The following TEX14 variants were observed in gnomAD, a reference collection of about 807,000 sequenced individuals.
The protein encoded by TEX14 is testis expressed 14, intercellular bridge forming factor.
Under a neutral mutation model 178.6 loss-of-function variants are expected in TEX14, and 168 were observed. That is an observed-to-expected ratio of 0.94 (90% CI 0.83 to 1.07). The LOEUF (loss-of-function observed/expected upper bound fraction) is 1.07. Among genes scored for constraint, TEX14 ranks in the 50% least tolerant of loss-of-function variants. The pLI, the probability that TEX14 is intolerant of heterozygous loss-of-function variation, is 0.00. For missense variants in TEX14, 1,730 were observed against 1,753.6 expected, an observed-to-expected ratio of 0.99 and a Z score of 0.24; for synonymous variants, 626 against 634.1, an observed-to-expected ratio of 0.99 and a Z score of 0.19.
chr17:58,611,011 A>G lies in TEX14; in HGVS notation c.1184+150T>C, dbSNP rs1044026371. 28 of 589,466 alleles carry G rather than the reference A, an allele frequency of 4.8e-5. 1 individual carries two copies. The highest frequency in any genetic ancestry group is 6.6e-5 in the Non-Finnish European group (22 of 330,846). The allele number at this position is 589,466 out of a possible 1,614,324, so 36.5% of individuals were successfully genotyped here. On this transcript the variant is annotated intron_variant, in intron 10 of 31. Transcript: ENST00000349033. Reference sequence around the variant, plus strand: ...CCAAATTCCTCTAGCCTTGGCAGACAGGGTAAGGCATTTGGGACAGGTTCA... The same window carrying G: ...CCAAATTCCTCTAGCCTTGGCAGACGGGGTAAGGCATTTGGGACAGGTTCA...
intron 3 of TEX14, among the ~76,000 whole-genome samples, chr17:58,623,529 T>C (rs1226966102): frequency 6.6e-6 from 1 of 151,944 alleles, no homozygotes; most frequent in African/African-American, 2.4e-5. Context: ...CAGTCAAGGA[T>C]CTACACCTCA....
intron 10 of TEX14, among the ~76,000 whole-genome samples, chr17:58,605,623 G>A (rs1164934632): frequency 1.3e-5 from 2 of 152,112 alleles, no homozygotes; most frequent in East Asian, 3.8e-4. Context: ...AAGTCACAGG[G>A]ACCTTCTTTC....
rs1355442959 is a variant in TEX14, at chr17:58,611,317, T to C, written c.1028A>G (p.His343Arg). ...CAGCAGGTGCACAATCACCTCCATGTGCAGCACTGGGAACTGGGACCGCTG... is the reference window on the plus strand; with the variant it reads ...CAGCAGGTGCACAATCACCTCCATGCGCAGCACTGGGAACTGGGACCGCTG... ...HERRSQFPVL[H>R]MEVIVHLLLQ... Residue 343 changes from histidine to arginine, a missense_variant, in exon 10 of 32, where the codon CAC (histidine) becomes CGC (arginine). By Grantham distance (29) the His-to-Arg change is conservative. Transcript: ENST00000349033. 1 of 1,613,210 alleles carries C rather than the reference T, an allele frequency of 6.2e-7. No individual in the cohort carries two copies. The highest frequency in any genetic ancestry group is 8.5e-7 in the Non-Finnish European group (1 of 1,179,750).
intron 2 of TEX14, among the ~76,000 whole-genome samples, chr17:58,638,664 G>A (rs2567896): frequency 0.23 from 34,707 of 151,470 alleles, 5,118 homozygotes; most frequent in Middle Eastern, 0.41. Flanking sequence ...TCAACCTCCC[G>A]AGTGGCTGGG....
intron 2 of TEX14, among the ~76,000 whole-genome samples, chr17:58,640,619 G>GTGTGTA (rs1455126686): frequency 1.1e-4 from 14 of 124,320 alleles, no homozygotes; most frequent in African/African-American, 4.6e-4. Context: ...TCTAGTGTGT[G>GTGTGTA]TGTGTGTGTG....
intron 14 of TEX14, among the ~76,000 whole-genome samples, chr17:58,595,740 C>T (rs1206189040): frequency 6.6e-6 from 1 of 152,186 alleles, no homozygotes; most frequent in Non-Finnish European, 1.5e-5. Context: ...AGCCAATGGC[C>T]ATGTGGAACA....
In TEX14 at chr17:58,665,528, G is replaced by A. The variant is rs147970761; in HGVS notation, c.-1-13526C>T. On this transcript the variant is annotated intron_variant, in intron 1 of 31. Coordinates refer to ENST00000349033, the MANE Select transcript of TEX14 (RefSeq NM_031272.5). ...TGAGAATTGCTTGAACCTGGGAGGC[G>A]GAGGTTGCAGTGAGCCGAGATCGCG... Among the ~76,000 whole-genome samples, 868 of 151,982 alleles carry A rather than the reference G, an allele frequency of 5.7e-3. 5 individuals are homozygous for A. The highest frequency in any genetic ancestry group is 9.2e-3 in the African/African-American group (380 of 41,494).
rs2144469338 is a variant in TEX14 at position 58,599,163 on chromosome 17, T to C, written c.2182A>G (p.Ser728Gly). ...ATCTTTAGATCCAGCACACACTTAC[T>C]GATGAGATACTCCTCAGTCGTGGAC... ...NMSTTEEYLI[S>G]KCVLDLKIMQ... Residue 728 changes from serine (S) to glycine (G), a missense_variant, in exon 14 of 32, where the codon AGT becomes GGT. By Grantham distance (56) the Ser-to-Gly change is moderately conservative. Coordinates refer to ENST00000349033, the MANE Select transcript of TEX14 (RefSeq NM_031272.5). The C allele has an allele frequency of 1.9e-6, 3 of 1,614,216 alleles. No homozygotes were observed. In the East Asian group the frequency reaches 6.7e-5, roughly 36 times the overall value.
chr17:58,565,877 C>T, intron 26 of TEX14, 53 bp from the exon 27 acceptor site: 1 of 1,434,154 alleles, frequency 7.0e-7, no homozygotes, highest in Admixed American at 1.9e-5. Flanking sequence ...GCGTGTCCTG[C>T]CGTTCTCTAG....
intron 11 of TEX14, 98 bp downstream of exon 11, chr17:58,604,880 A>C (rs2045567789): frequency 7.3e-7 from 1 of 1,363,220 alleles, no homozygotes; most frequent in East Asian, 2.3e-5. Flanking sequence ...CTTTTTAATA[A>C]GTCTTCTATT....
Position 58,567,545 on chromosome 17 carries a change from T to C in TEX14, c.3886+1647A>G, listed in dbSNP as rs73327342. On this transcript the variant is annotated intron_variant, in intron 26 of 31. Coordinates refer to ENST00000349033, the MANE Select transcript of TEX14 (RefSeq NM_031272.5). ...TAAAGAACCTTCCACTTTAGGCACC[T>C]GTCAGGAGCCTAGAGCTTTGGATGT... 9.2e-3 allele frequency among the ~76,000 whole-genome samples: 1,401 copies of C among 152,326 alleles called. 24 individuals are homozygous for C. Among genetic ancestry groups the C allele is most frequent in the African/African-American group, 0.031 (1,295 of 41,578 alleles).
intron 1 of TEX14, among the ~76,000 whole-genome samples, chr17:58,690,595 A>G (rs2047682761): frequency 6.6e-6 from 1 of 152,206 alleles, no homozygotes; most frequent in Non-Finnish European, 1.5e-5. Flanking sequence ...TCACCCAAGA[A>G]TCTGGGTGCT....
At chr17:58,589,955 T>C (rs1311631039) in intron 15 of TEX14, among the ~76,000 whole-genome samples, 8 of 151,960 alleles carry the variant, frequency 5.3e-5, no homozygotes, top group Non-Finnish European at 1.2e-4. Context: ...CCCTCACACA[T>C]TGGCCCCATA....
At chr17:58,634,638 C>A (rs2046393602) in intron 2 of TEX14, among the ~76,000 whole-genome samples, 1 of 152,060 alleles carries the variant, frequency 6.6e-6, no homozygotes, top group South Asian at 2.1e-4. Flanking sequence ...CACAAGCCAG[C>A]CTAAGAGTAG....
chr17:58,573,292 G>A lies in TEX14; in HGVS notation c.3400C>T (p.Gln1134Ter), dbSNP rs2044586286. ...KEKDISLTDI[Q>*]DLSSISYEPD... The stretch of plus-strand genomic sequence containing the variant: ...TCATAGGAGATACTAGACAGGTCTT[G>A]AATATCCGTCAATGATCTAAAGAAT... Residue 1134 changes from glutamine (Q) to a stop codon, truncating the protein, a stop_gained, in exon 23 of 32, where the codon CAA (glutamine) becomes TAA (stop). Coordinates refer to ENST00000349033, the MANE Select transcript of TEX14 (RefSeq NM_031272.5). LOFTEE classifies it high-confidence loss of function. The A allele has an allele frequency of 3.7e-6, 6 of 1,613,554 alleles. No individual in the cohort carries two copies. Among genetic ancestry groups the A allele is most frequent in the Non-Finnish European group, 5.1e-6 (6 of 1,179,562 alleles).
At chr17:58,661,522 G>T (rs755390573) in intron 1 of TEX14, 1 of 778,538 alleles carries the variant, frequency 1.3e-6, no homozygotes, top group South Asian at 1.3e-5. Context: ...CTTCGACTTC[G>T]TCCAGAAGCT....
intron 1 of TEX14, among the ~76,000 whole-genome samples, chr17:58,660,015 CCACTTAAG>C (rs1223613583): frequency 1.3e-5 from 2 of 151,098 alleles, no homozygotes; most frequent in Non-Finnish European, 2.9e-5. Context: ...TCTTTTCATT[CCACTTAAG>C]AAATTGGAAC....
chr17:58,615,008 CAG>C (rs2046974663), intron 8 of TEX14, among the ~76,000 whole-genome samples: 1 of 152,232 alleles, frequency 6.6e-6, no homozygotes, highest in Non-Finnish European at 1.5e-5. Flanking sequence ...TGACAGCTGA[CAG>C]AGCCCCTCAC....
chr17:58,558,113 C>T (rs2044187357), intron 30 of TEX14, among the ~76,000 whole-genome samples: 1 of 152,200 alleles, frequency 6.6e-6, no homozygotes, highest in Non-Finnish European at 1.5e-5. Context: ...GAAATCAATA[C>T]TATTAATAGC....
Sources: gnomAD v4.1 joint callset for allele counts (sites outside exome capture counted in the v4.1 genomes callset) on GRCh38, gnomAD v4.1.1 for gene constraint, MANE v1.5 for transcripts, NCBI Gene and HGNC (gene_info 2026-07-23, HGNC 2026-07-21) for gene names.